Variants in MASP1 observed in about 807,000 individuals in gnomAD.
The protein encoded by MASP1 is MBL associated serine protease 1.
MASP1 carries 59 observed loss-of-function variants against 77.1 expected under a neutral mutation model. The observed-to-expected ratio is 0.77, with a 90% CI of 0.62 to 0.95. The LOEUF (loss-of-function observed/expected upper bound fraction) is 0.95. Among genes scored for constraint, MASP1 ranks in the 40% least tolerant of loss-of-function variants. MASP1 has a pLI of 0.00. For missense variants in MASP1, 885 were observed against 912.9 expected, an observed-to-expected ratio of 0.97 and a Z score of 0.39; for synonymous variants, 362 against 354.5, an observed-to-expected ratio of 1.02 and a Z score of -0.24.
At position 187,245,766 on chromosome 3, in the gene MASP1, G is replaced by A. The variant is rs955979767; in HGVS notation, c.1091-2145C>T. On this transcript the variant is annotated intron_variant, in intron 8 of 10. Transcript: ENST00000296280. ...TCTAAAGTCCTGTCTGGCCAGTTCC[G>A]CACTCTGGAATCAAAACACCCTTCT... Among the ~76,000 whole-genome samples, 16 of 152,220 alleles carry A rather than the reference G, an allele frequency of 1.1e-4. No homozygotes were observed. The South Asian group carries it at 1.5e-3, about 14-fold the overall frequency.
At chr3:187,271,512 G>A (rs562178917) in intron 2 of MASP1, among the ~76,000 whole-genome samples, 1 of 152,134 alleles carries the variant, frequency 6.6e-6, no homozygotes, top group Admixed American at 6.5e-5. Context: ...ATTCTTAGGA[G>A]GCAATATTAA....
chr3:187,288,269 G>A (rs989159428), intron 1 of MASP1, among the ~76,000 whole-genome samples: 3 of 152,178 alleles, frequency 2.0e-5, no homozygotes, highest in Non-Finnish European at 4.4e-5. Flanking sequence ...ATATGTCCAA[G>A]TTAACCTGTG....
At chr3:187,225,581 C>T (rs1312168691) in intron 12 of MASP1, 2 of 1,494,430 alleles carry the variant, frequency 1.3e-6, no homozygotes, top group Admixed American at 1.7e-5. Context: ...CCTGTCAGCC[C>T]CCGCCCCAGC....
intron 1 of MASP1, among the ~76,000 whole-genome samples, chr3:187,289,239 T>C (rs12638606): frequency 0.27 from 41,341 of 152,148 alleles, 6,632 homozygotes; most frequent in East Asian, 0.41. Flanking sequence ...GATTGCGGCA[T>C]GAACGGCACT....
chr3:187,219,841 A>G, exon 16 of MASP1: 1 of 572,714 alleles, frequency 1.7e-6, no homozygotes. Context: ...AGCACTGCAA[A>G]CTAGTAAGTG....
chr3:187,226,726 C>A (rs1309053771), intron 11 of MASP1, among the ~76,000 whole-genome samples: 1 of 152,156 alleles, frequency 6.6e-6, no homozygotes, highest in Non-Finnish European at 1.5e-5. Flanking sequence ...GTGATTTTTA[C>A]CTGCCTATTC....
chr3:187,231,936 G>A (rs193145922), downstream of MASP1, among the ~76,000 whole-genome samples: 119 of 152,334 alleles, frequency 7.8e-4, no homozygotes, highest in African/African-American at 2.8e-3. Context: ...CATCCTGGGA[G>A]ACTGAGAAGG....
At position 187,236,583 on chromosome 3, in the gene MASP1, G is replaced by A. The variant is rs1560239600; in HGVS notation, c.1304-16C>T. The A allele has an allele frequency of 6.2e-7, 1 of 1,613,714 alleles. No individual in the cohort carries two copies. The highest frequency in any genetic ancestry group is 8.5e-7 in the Non-Finnish European group (1 of 1,179,942). ...TGACCACACTCTGTAAGGAGAAAGA[G>A]GGAGCAGGGACAAGAGACAGAGACT... On this transcript the variant is annotated splice_polypyrimidine_tract_variant and intron_variant, in intron 10 of 10. Coordinates refer to ENST00000296280, the MANE Select transcript of MASP1 (RefSeq NM_139125.4).
intron 5 of MASP1, among the ~76,000 whole-genome samples, chr3:187,253,564 T>G (rs892718300): frequency 1.3e-5 from 2 of 152,206 alleles, no homozygotes; most frequent in African/African-American, 4.8e-5. Flanking sequence ...ACTTAACTAT[T>G]TACAATAGCG....
chr3:187,254,658 A>AAAAAC (rs1180145004), intron 5 of MASP1, among the ~76,000 whole-genome samples: 28 of 152,046 alleles, frequency 1.8e-4, no homozygotes, highest in Non-Finnish European at 2.9e-4. Flanking sequence ...GTGGAAGCAA[A>AAAAAC]AAAACAAAAC....
chr3:187,229,008 G>A lies in MASP1; in HGVS notation c.1441+752C>T, dbSNP rs377146940. 1.6e-4 allele frequency among the ~76,000 whole-genome samples: 24 copies of A among 152,356 alleles called. No individual in the cohort carries two copies. In the East Asian group the frequency reaches 4.0e-3, roughly 26 times the overall value. On this transcript the variant is annotated intron_variant, in intron 11 of 15. Transcript: ENST00000337774. Reference sequence around the variant, plus strand: ...TCAGCCTGGGAGTTGCTCATGCAGAGATGGGCCAAGCCGGGCCTTCTTCCT... The same window carrying A: ...TCAGCCTGGGAGTTGCTCATGCAGAAATGGGCCAAGCCGGGCCTTCTTCCT...
At chr3:187,223,080 T>G in intron 14 of MASP1, 6 of 1,509,148 alleles carry the variant, frequency 4.0e-6, no homozygotes, top group Non-Finnish European at 5.5e-6. Context: ...GAAGGCCCAG[T>G]GCAGAGCTGA....
downstream of MASP1, among the ~76,000 whole-genome samples, chr3:187,230,352 G>C (rs879918258): frequency 2.0e-5 from 3 of 152,210 alleles, no homozygotes; most frequent in Admixed American, 6.5e-5. Context: ...AAGAAAAGTG[G>C]AGCTGAAAGT....
At chr3:187,257,733 A>G (rs529001124) in intron 4 of MASP1, among the ~76,000 whole-genome samples, 3 of 151,408 alleles carry the variant, frequency 2.0e-5, no homozygotes, top group South Asian at 2.1e-4. Flanking sequence ...TACATGGTGA[A>G]CTGCAACCTA....
intron 14 of MASP1, among the ~76,000 whole-genome samples, chr3:187,221,803 T>G (rs1039940276): frequency 3.9e-5 from 6 of 152,218 alleles, no homozygotes; most frequent in Non-Finnish European, 7.3e-5. Flanking sequence ...TGGAGCTTAG[T>G]AGATACCCAG....
At chr3:187,290,532 C>T (rs913168529) in intron 1 of MASP1, among the ~76,000 whole-genome samples, 1 of 152,066 alleles carries the variant, frequency 6.6e-6, no homozygotes, top group Non-Finnish European at 1.5e-5. Flanking sequence ...TTTAAAATTA[C>T]TATGGCTTTA....
rs1412148847 is a variant in MASP1, at chr3:187,234,929, A to G, written c.*755T>C. 4 of 1,287,208 alleles carry G rather than the reference A, an allele frequency of 3.1e-6. No homozygotes were observed. Among genetic ancestry groups the G allele is most frequent in the Non-Finnish European group, 4.0e-6 (4 of 988,696 alleles). The allele number at this position is 1,287,208 out of a possible 1,614,324, so 79.7% of individuals were successfully genotyped here. A position where few individuals can be genotyped will look rare whatever the true frequency, so the allele number is the denominator to read the frequency against. On this transcript the variant is annotated 3_prime_UTR_variant, in exon 11 of 11. Transcript: ENST00000296280. ...TGTTCCAGGGTGGCATATGGGCCCA[A>G]ATGTGTTCTGAGTTGACAATGGGAA...
chr3:187,219,874 G>A (rs1265152403), exon 16 of MASP1: 1 of 640,052 alleles, frequency 1.6e-6, no homozygotes, highest in Non-Finnish European at 2.8e-6. Context: ...TTCGGCCTGT[G>A]TTCTGACCAC....
intron 5 of MASP1, 151 bp from the exon 6 acceptor site, chr3:187,253,466 T>C: frequency 1.3e-6 from 1 of 763,494 alleles, no homozygotes; most frequent in Non-Finnish European, 2.3e-6. Context: ...TAGTGAGCCT[T>C]ACCATTCACC....
Sources: allele counts gnomAD v4.1 joint callset (sites outside exome capture counted in the v4.1 genomes callset), GRCh38; gene constraint gnomAD v4.1.1; transcripts MANE v1.5; gene names NCBI Gene and HGNC (gene_info 2026-07-23, HGNC 2026-07-21).